The following UNC5D variants were observed in gnomAD, a reference collection of about 807,000 sequenced individuals.
UNC5D encodes the protein unc-5 netrin receptor D.
A neutral mutation model predicts 105.4 loss-of-function variants in UNC5D; 39 were observed. The observed-to-expected ratio is 0.37, with a 90% CI of 0.29 to 0.48. The LOEUF (loss-of-function observed/expected upper bound fraction) is 0.48. Among genes scored for constraint, UNC5D ranks in the 20% least tolerant of loss-of-function variants. UNC5D has a pLI of 0.98. For synonymous variants in UNC5D, 452 were observed against 450.4 expected, an observed-to-expected ratio of 1.00 and a Z score of -0.04; for missense variants, 991 against 1,202.4, an observed-to-expected ratio of 0.82 and a Z score of 2.60.
intron 12 of UNC5D, 150 bp downstream of exon 12, chr8:35,748,845 C>G (rs899997701): frequency 1.2e-6 from 1 of 819,398 alleles, no homozygotes; most frequent in Admixed American, 3.4e-5. Context: ...AACATATTGG[C>G]TAGTTGTTTT....
At chr8:35,553,486 A>G (rs926596670) in intron 2 of UNC5D, among the ~76,000 whole-genome samples, 2 of 152,210 alleles carry the variant, frequency 1.3e-5, no homozygotes, top group Non-Finnish European at 2.9e-5. Flanking sequence ...AAGGATTTAA[A>G]TTTTAGCAGT....
intron 1 of UNC5D, among the ~76,000 whole-genome samples, chr8:35,470,042 CT>C (rs1180511903): frequency 6.6e-6 from 1 of 152,134 alleles, no homozygotes; most frequent in Non-Finnish European, 1.5e-5. Flanking sequence ...TCAATACATA[CT>C]TTTTAATTTT....
intron 1 of UNC5D, among the ~76,000 whole-genome samples, chr8:35,364,870 A>C (rs1802027945): frequency 1.3e-5 from 2 of 152,208 alleles, no homozygotes; most frequent in South Asian, 4.1e-4. Context: ...GAATATAGAA[A>C]AGTAGTATTG....
chr8:35,290,393 G>A (rs1275165814), intron 1 of UNC5D, among the ~76,000 whole-genome samples: 2 of 151,110 alleles, frequency 1.3e-5, no homozygotes, highest in African/African-American at 4.9e-5. Flanking sequence ...AATAAGCTAG[G>A]AACAGAAAGA....
intron 9 of UNC5D, among the ~76,000 whole-genome samples, chr8:35,725,294 T>C (rs1828800489): frequency 6.6e-6 from 1 of 152,208 alleles, no homozygotes; most frequent in Admixed American, 6.5e-5. Flanking sequence ...TGTTATTTAC[T>C]AATAAATGAG....
intron 1 of UNC5D, among the ~76,000 whole-genome samples, chr8:35,381,204 A>G (rs1326549898): frequency 6.6e-6 from 1 of 152,180 alleles, no homozygotes; most frequent in Non-Finnish European, 1.5e-5. Flanking sequence ...GGAAGAGAAA[A>G]CGTCTAGGAA....
At chr8:35,349,979 C>T (rs1484564123) in intron 1 of UNC5D, among the ~76,000 whole-genome samples, 1 of 151,880 alleles carries the variant, frequency 6.6e-6, no homozygotes, top group Non-Finnish European at 1.5e-5. Flanking sequence ...TTGAATTGTC[C>T]ACCATCTGTG....
At chr8:35,262,463 T>C (rs966862149) in intron 1 of UNC5D, among the ~76,000 whole-genome samples, 30 of 152,332 alleles carry the variant, frequency 2.0e-4, no homozygotes, top group African/African-American at 7.2e-4. Context: ...TACTTAAGTA[T>C]TGAACACAGC....
chr8:35,675,508 G>C (rs1825147971), intron 4 of UNC5D, among the ~76,000 whole-genome samples: 1 of 152,148 alleles, frequency 6.6e-6, no homozygotes. Context: ...AGCTGAGGTT[G>C]CATCTATAAT....
At chr8:35,252,984 C>A (rs1203260761) in intron 1 of UNC5D, among the ~76,000 whole-genome samples, 1 of 151,972 alleles carries the variant, frequency 6.6e-6, no homozygotes, top group African/African-American at 2.4e-5. Flanking sequence ...AGTTAAAAAT[C>A]TTTTCATATG....
At chr8:35,416,495 T>C (rs1001118812) in intron 1 of UNC5D, among the ~76,000 whole-genome samples, 1 of 152,206 alleles carries the variant, frequency 6.6e-6, no homozygotes, top group Non-Finnish European at 1.5e-5. Flanking sequence ...GCCTGGACAA[T>C]GTAAATATCA....
At chr8:35,475,660 C>T (rs1458657822) in intron 1 of UNC5D, among the ~76,000 whole-genome samples, 3 of 152,150 alleles carry the variant, frequency 2.0e-5, no homozygotes, top group East Asian at 3.9e-4. Context: ...TCCTGAAAAC[C>T]GTCTGTCTGC....
intron 2 of UNC5D, among the ~76,000 whole-genome samples, chr8:35,549,798 C>A (rs1207241530): frequency 6.6e-6 from 1 of 152,112 alleles, no homozygotes; most frequent in Non-Finnish European, 1.5e-5. Flanking sequence ...ACCAGGGAGT[C>A]ACTGTTTTTG....
At chr8:35,753,058 T>C (rs1428873189) in intron 13 of UNC5D, among the ~76,000 whole-genome samples, 1 of 152,180 alleles carries the variant, frequency 6.6e-6, no homozygotes, top group African/African-American at 2.4e-5. Flanking sequence ...GACTTTCAGA[T>C]CATCTATTTT....
intron 15 of UNC5D, among the ~76,000 whole-genome samples, chr8:35,768,735 C>T (rs952174337): frequency 2.6e-5 from 4 of 152,144 alleles, no homozygotes; most frequent in African/African-American, 9.7e-5. Flanking sequence ...TAAACACAAC[C>T]TTATTGTTTA....
rs1825816338 is a variant in UNC5D, at chr8:35,683,627, C to G, written c.651C>G (p.Ile217Met). Residue 217 changes from isoleucine (I) to methionine (M), a missense_variant, in exon 5 of 17, where the codon ATC (isoleucine) becomes ATG (methionine). This residue lies in a region of UNC5D where 944 missense variants were observed against 1,131.6 expected (regional missense o/e 0.83). Coordinates refer to ENST00000404895, the MANE Select transcript of UNC5D (RefSeq NM_080872.4). ...NIDTRADHNLIIRQARLSDSG... is the reference protein window; with the variant it reads ...NIDTRADHNLMIRQARLSDSG... ...ACACCAGGGCTGACCATAACCTGATCATCAGGCAGGCACGGCTCTCGGACT... is the reference window on the plus strand; with the variant it reads ...ACACCAGGGCTGACCATAACCTGATGATCAGGCAGGCACGGCTCTCGGACT... The G allele has an allele frequency of 1.9e-6, 3 of 1,581,312 alleles. No homozygotes were observed. Among genetic ancestry groups the G allele is most frequent in the Non-Finnish European group, 2.6e-6 (3 of 1,168,540 alleles).
chr8:35,633,025 A>C (rs1332211720), intron 4 of UNC5D, among the ~76,000 whole-genome samples: 3 of 151,952 alleles, frequency 2.0e-5, no homozygotes, highest in Non-Finnish European at 4.4e-5. Flanking sequence ...ACCAACTTGC[A>C]CTCCAATAGT....
At chr8:35,255,664 T>A (rs1426917837) in intron 1 of UNC5D, 1 of 152,120 alleles carries the variant, frequency 6.6e-6, no homozygotes, top group Non-Finnish European at 1.5e-5. Flanking sequence ...GAAATTGGGG[T>A]GTGTTTAGTT....
intron 1 of UNC5D, among the ~76,000 whole-genome samples, chr8:35,299,914 G>A (rs1003400764): frequency 7.2e-5 from 11 of 152,112 alleles, no homozygotes; most frequent in Non-Finnish European, 1.5e-4. Context: ...AAGTGGAAAG[G>A]CAAAGTGCAG....
Sources: gnomAD v4.1 joint callset for allele counts (sites outside exome capture counted in the v4.1 genomes callset) on GRCh38, gnomAD v4.1.1 for gene constraint, gnomAD v4.1.1 regional missense constraint, MANE v1.5 for transcripts, NCBI Gene and HGNC (gene_info 2026-07-23, HGNC 2026-07-21) for gene names.